Variants in UQCC1 observed in about 807,000 individuals in gnomAD.
UQCC1 encodes the protein bFGF-repressed Zic-binding protein.
Under a neutral mutation model 48.0 loss-of-function variants are expected in UQCC1, and 38 were observed. That is an observed-to-expected ratio of 0.79 (90% confidence interval 0.61 to 1.04). The LOEUF is 1.04. UQCC1 is among the 50% of genes least tolerant of loss of function. The pLI is 0.00. For missense variants in UQCC1, 368 were observed against 381.8 expected (o/e 0.96, Z 0.30); for synonymous variants, 111 against 129.2 (o/e 0.86, Z 0.95).
At chr20:35,394,001 C>T (rs1422303858) in intron 2 of UQCC1, 91 bp downstream of exon 2, 1 of 1,267,040 alleles carries the variant, frequency 7.9e-7, no homozygotes, top group Non-Finnish European at 1.1e-6. Flanking sequence ...GTTTTTCCAT[C>T]ACACAATTTG....
intron 1 of UQCC1, among the ~76,000 whole-genome samples, chr20:35,395,755 C>A (rs953236379): frequency 6.6e-6 from 1 of 152,052 alleles, no homozygotes; most frequent in Non-Finnish European, 1.5e-5. Context: ...TGGGGTATCA[C>A]ATGAATGAAG....
At chr20:35,306,519 CCTT>C in intron 9 of UQCC1, 144 bp downstream of exon 9, 1 of 628,736 alleles carries the variant, frequency 1.6e-6, no homozygotes, top group Non-Finnish European at 2.8e-6. Context: ...AGAAGGCGCT[CCTT>C]CTTCAGCGTC....
At chr20:35,387,002 C>T (rs1045667109) in intron 2 of UQCC1, among the ~76,000 whole-genome samples, 2 of 151,956 alleles carry the variant, frequency 1.3e-5, no homozygotes, top group Non-Finnish European at 2.9e-5. Context: ...ATAGGCTGGG[C>T]GTGGTGGCTG....
chr20:35,370,596 A>C (rs990304348), intron 5 of UQCC1, among the ~76,000 whole-genome samples: 2 of 152,200 alleles, frequency 1.3e-5, no homozygotes, highest in Non-Finnish European at 1.5e-5. Flanking sequence ...AGGTCTCAAA[A>C]GGAAATTCTC....
chr20:35,361,431 T>A (rs536566654), intron 6 of UQCC1, among the ~76,000 whole-genome samples: 1 of 151,964 alleles, frequency 6.6e-6, no homozygotes, highest in African/African-American at 2.4e-5. Context: ...CCTATCACAG[T>A]TGTATTTTAT....
At chr20:35,345,635 C>T (rs1363628216) in intron 7 of UQCC1, 3 of 152,130 alleles carry the variant, frequency 2.0e-5, no homozygotes, top group Non-Finnish European at 4.4e-5. Context: ...TACTTTTCTC[C>T]TTCCTTGAAG....
chr20:35,410,709 A>AAAAAAAAAAC (rs2062341027), intron 1 of UQCC1, among the ~76,000 whole-genome samples: 1 of 115,526 alleles, frequency 8.7e-6, no homozygotes, highest in African/African-American at 3.5e-5. Flanking sequence ...TGCCTCAAAA[A>AAAAAAAAAAC]AAAAAAAAAA....
At chr20:35,306,923 C>T (rs1423473459) in intron 8 of UQCC1, 144 bp from the exon 9 acceptor site, 6 of 708,522 alleles carry the variant, frequency 8.5e-6, no homozygotes, top group Non-Finnish European at 1.5e-5. Context: ...GGCAGTCACA[C>T]AGTAGAGGTG....
In UQCC1 at chr20:35,408,100, C is replaced by T. The variant is rs2062279488; in HGVS notation, c.24+3840G>A. ...TGTAAATCAATAATACAATGAGACA[C>T]CATTTCATACTCATTAGAATGGCAA... On this transcript the variant is annotated intron_variant, in intron 1 of 9. Coordinates refer to ENST00000374385, the MANE Select transcript of UQCC1 (RefSeq NM_018244.5). Among the ~76,000 whole-genome samples the T allele has an allele frequency of 2.0e-5, 3 of 152,156 alleles. No individual in the cohort carries two copies. In the South Asian group the frequency reaches 6.2e-4, roughly 32 times the overall value.
At chr20:35,319,587 C>T (rs1293345165) in intron 7 of UQCC1, among the ~76,000 whole-genome samples, 1 of 152,010 alleles carries the variant, frequency 6.6e-6, no homozygotes, top group Non-Finnish European at 1.5e-5. Context: ...CACGAGCAGG[C>T]CAGGGACGGG....
chr20:35,350,966 C>T (rs530614631), intron 6 of UQCC1, among the ~76,000 whole-genome samples: 1 of 152,062 alleles, frequency 6.6e-6, no homozygotes, highest in Admixed American at 6.6e-5. Flanking sequence ...TGCTTGAACC[C>T]GAGGGGTGGA....
intron 1 of UQCC1, among the ~76,000 whole-genome samples, chr20:35,397,751 C>T (rs1300727307): frequency 6.6e-6 from 1 of 152,034 alleles, no homozygotes; most frequent in East Asian, 1.9e-4. Context: ...TGAGCATCCA[C>T]GGATTTTGCT....
chr20:35,302,715 A>C lies in UQCC1; in HGVS notation c.*1220T>G, dbSNP rs1261579146. On this transcript the variant is annotated 3_prime_UTR_variant, in exon 10 of 10. Transcript: ENST00000374385. ...CAGCTGTAATGAGTTACAAGGTGTT[A>C]TTATCTCACACACACACAGGAGGCT... The C allele has an allele frequency of 2.0e-5, 3 of 152,224 alleles. No individual in the cohort carries two copies. The highest frequency in any genetic ancestry group is 4.4e-5 in the Non-Finnish European group (3 of 68,044). The allele number at this position is 152,224 out of a possible 1,614,324, so 9.4% of individuals were successfully genotyped here.
At chr20:35,374,418 A>C (rs2061772379) in intron 4 of UQCC1, among the ~76,000 whole-genome samples, 162 bp from the exon 5 acceptor site, 1 of 152,186 alleles carries the variant, frequency 6.6e-6, no homozygotes, top group Non-Finnish European at 1.5e-5. Flanking sequence ...GTTTTCTTAG[A>C]GCTTAGCCAT....
chr20:35,323,393 G>C (rs969481541), intron 7 of UQCC1, among the ~76,000 whole-genome samples: 1 of 152,302 alleles, frequency 6.6e-6, no homozygotes, highest in Non-Finnish European at 1.5e-5. Flanking sequence ...GCAAGGGTCT[G>C]ACCAAGTAGA....
At chr20:35,387,977 A>G (rs2061965651) in intron 2 of UQCC1, among the ~76,000 whole-genome samples, 1 of 151,272 alleles carries the variant, frequency 6.6e-6, no homozygotes, top group Non-Finnish European at 1.5e-5. Flanking sequence ...CTTATAAAGT[A>G]TATTTTCCTA....
chr20:35,345,583 G>A (rs536843455), intron 7 of UQCC1: 4 of 152,206 alleles, frequency 2.6e-5, no homozygotes, highest in Admixed American at 2.6e-4. Context: ...TGATTACAAA[G>A]ATAGCTCTCA....
At chr20:35,408,053 A>G (rs1049698315) in intron 1 of UQCC1, among the ~76,000 whole-genome samples, 8 of 152,140 alleles carry the variant, frequency 5.3e-5, no homozygotes, top group African/African-American at 1.9e-4. Context: ...GAAGTGCCCA[A>G]TATCACTAGT....
In UQCC1 at chr20:35,391,511, CT is replaced by C. The variant is rs2062013994; in HGVS notation, c.129+2580del. On this transcript the variant is annotated intron_variant, in intron 2 of 9. Transcript: ENST00000374385. ...TCATGGCACATACTTGTAATCCCAGCTACTTGGGAGGCTGAGGTGGGAGGAT... is the reference window on the plus strand; with the variant it reads ...TCATGGCACATACTTGTAATCCCAGCACTTGGGAGGCTGAGGTGGGAGGAT... 5.9e-5 allele frequency among the ~76,000 whole-genome samples: 9 copies of C among 151,916 alleles called. No homozygotes were observed. The South Asian group carries it at 1.9e-3, about 31-fold the overall frequency.
Sources: allele counts gnomAD v4.1 joint callset (sites outside exome capture counted in the v4.1 genomes callset), GRCh38; gene constraint gnomAD v4.1.1; transcripts MANE v1.5; gene names NCBI Gene and HGNC (gene_info 2026-07-23, HGNC 2026-07-21).